APBB1IP: variants seen among roughly 807,000 people sequenced by gnomAD.
APBB1IP encodes amyloid beta A4 precursor protein-binding family B member 1-interacting protein.
In APBB1IP, 27 loss-of-function variants were observed where a neutral mutation model predicts 64.9. That is an observed-to-expected ratio of 0.42 (90% CI 0.31 to 0.57). The LOEUF is 0.57. APBB1IP is among the 20% of genes least tolerant of loss of function. The pLI, the probability that APBB1IP is intolerant of heterozygous loss-of-function variation, is 0.20. For missense variants in APBB1IP, 812 were observed against 845.5 expected (o/e 0.96, Z 0.49); for synonymous variants, 392 against 331.0 (o/e 1.18, Z -2.00).
At chr10:26,485,542 A>T (rs1171777748) in intron 2 of APBB1IP, among the ~76,000 whole-genome samples, 2 of 152,250 alleles carry the variant, frequency 1.3e-5, no homozygotes, top group Non-Finnish European at 2.9e-5. Flanking sequence ...AGATTCTATA[A>T]CGATAACAAA....
At chr10:26,548,609 T>C (rs1158242671) in intron 11 of APBB1IP, among the ~76,000 whole-genome samples, 1 of 152,190 alleles carries the variant, frequency 6.6e-6, no homozygotes, top group Non-Finnish European at 1.5e-5. Context: ...TGTGTAGGTA[T>C]TGTAATGGGA....
intron 13 of APBB1IP, among the ~76,000 whole-genome samples, chr10:26,561,348 G>A (rs867696814): frequency 6.7e-6 from 1 of 148,510 alleles, no homozygotes; most frequent in Non-Finnish European, 1.5e-5. Context: ...GATTACAGGC[G>A]TGAACCATTG....
Position 26,567,268 on chromosome 10 carries a change from C to T in APBB1IP, c.1781C>T (p.Ala594Val). The change falls in exon 15 of 15, where the codon GCG becomes GTG. Residue 594 changes from alanine to valine, a missense_variant. By Grantham distance (64) the Ala-to-Val change is moderately conservative. Coordinates refer to ENST00000376236, the MANE Select transcript of APBB1IP (RefSeq NM_019043.4). Reference sequence around the variant, plus strand: ...CCCCCGCCGTCGTACGCAGGGATCGCGGGCTCAGAGCTGCCCCCGCCGCCG... The same window carrying T: ...CCCCCGCCGTCGTACGCAGGGATCGTGGGCTCAGAGCTGCCCCCGCCGCCG... ...PPPPPSYAGIAGSELPPPPPP... is the reference protein window; with the variant it reads ...PPPPPSYAGIVGSELPPPPPP... 2 of 1,264,026 alleles carry T rather than the reference C, an allele frequency of 1.6e-6. No homozygotes were observed. Among genetic ancestry groups the T allele is most frequent in the Non-Finnish European group, 2.0e-6 (2 of 1,001,526 alleles). The allele number at this position is 1,264,026 out of a possible 1,614,324, so 78.3% of individuals were successfully genotyped here.
At chr10:26,471,523 A>G (rs1404610517) in intron 2 of APBB1IP, among the ~76,000 whole-genome samples, 1 of 152,174 alleles carries the variant, frequency 6.6e-6, no homozygotes, top group East Asian at 1.9e-4. Flanking sequence ...ATTGTCACTG[A>G]AAAATCATAT....
intron 8 of APBB1IP, among the ~76,000 whole-genome samples, chr10:26,526,383 G>A (rs988387159): frequency 6.6e-6 from 1 of 152,166 alleles, no homozygotes; most frequent in Non-Finnish European, 1.5e-5. Flanking sequence ...GTTCCTTACT[G>A]TGCTACTTTT....
chr10:26,473,885 C>T (rs992818637), intron 2 of APBB1IP, among the ~76,000 whole-genome samples: 13 of 151,528 alleles, frequency 8.6e-5, no homozygotes, highest in African/African-American at 2.4e-4. Flanking sequence ...GCCTGTAATC[C>T]GAGCTACTTA....
chr10:26,514,970 C>T (rs1027907771), intron 8 of APBB1IP, among the ~76,000 whole-genome samples: 2 of 151,754 alleles, frequency 1.3e-5, no homozygotes, highest in Non-Finnish European at 2.9e-5. Flanking sequence ...CTCCCGGGTT[C>T]AGGTGATTCC....
intron 9 of APBB1IP, among the ~76,000 whole-genome samples, chr10:26,535,545 GT>G (rs1312680617): frequency 6.6e-6 from 1 of 151,978 alleles, no homozygotes; most frequent in Non-Finnish European, 1.5e-5. Flanking sequence ...CAAATAGTAG[GT>G]CTTATTCATT....
chr10:26,509,414 G>T (rs1405529338), intron 6 of APBB1IP, among the ~76,000 whole-genome samples: 1 of 152,184 alleles, frequency 6.6e-6, no homozygotes, highest in East Asian at 1.9e-4. Context: ...GTTTGTGAAT[G>T]TTGGAAATAG....
intron 2 of APBB1IP, among the ~76,000 whole-genome samples, chr10:26,482,576 A>C (rs1005878398): frequency 1.3e-5 from 2 of 152,180 alleles, no homozygotes; most frequent in African/African-American, 4.8e-5. Context: ...GGGCAATCCC[A>C]TTCATAAGCT....
intron 14 of APBB1IP, 145 bp from the exon 15 acceptor site, chr10:26,566,816 A>G: frequency 1.2e-6 from 1 of 852,116 alleles, no homozygotes. Flanking sequence ...TGAGCTCGGG[A>G]GGTCGAGGCT....
chr10:26,446,871 TA>T (rs1044637665), intron 2 of APBB1IP, among the ~76,000 whole-genome samples: 1 of 127,272 alleles, frequency 7.9e-6, no homozygotes, highest in Non-Finnish European at 1.7e-5. Context: ...GATAGATAGA[TA>T]GAGAGAGAGA....
chr10:26,548,187 AT>A (rs968729135), intron 11 of APBB1IP, among the ~76,000 whole-genome samples: 227 of 151,990 alleles, frequency 1.5e-3, no homozygotes, highest in Non-Finnish European at 2.4e-3. Context: ...TGACATTAAA[AT>A]TTTTTTTTAT....
intron 2 of APBB1IP, among the ~76,000 whole-genome samples, chr10:26,469,763 C>T (rs999874592): frequency 9.2e-5 from 14 of 152,128 alleles, no homozygotes; most frequent in African/African-American, 3.4e-4. Context: ...TGCCTCTCCT[C>T]CCTCCTTCCC....
In APBB1IP at chr10:26,534,173, G is replaced by T. The variant is rs1025484293; in HGVS notation, c.900+648G>T. On this transcript the variant is annotated intron_variant, in intron 9 of 14. Transcript: ENST00000376236. ...CATAGTATCTATGTTAAAAATCAAG[G>T]CTCTGAGCCTCGCATGGGGGCACAC... Among the ~76,000 whole-genome samples, 3 of 151,336 alleles carry T rather than the reference G, an allele frequency of 2.0e-5. No individual in the cohort carries two copies. The Admixed American group carries it at 2.0e-4, about 10-fold the overall frequency.
chr10:26,492,179 G>T, intron 2 of APBB1IP, 148 bp from the exon 3 acceptor site: 1 of 591,602 alleles, frequency 1.7e-6, no homozygotes. Flanking sequence ...TGAAATTTCA[G>T]GCTAACATAA....
intron 11 of APBB1IP, among the ~76,000 whole-genome samples, chr10:26,548,152 C>G (rs1836789572): frequency 6.6e-6 from 1 of 152,064 alleles, no homozygotes. Flanking sequence ...TTGAGGATTG[C>G]TTTTTTCTAT....
At chr10:26,506,248 TGTGG>T (rs759439912) in intron 6 of APBB1IP, among the ~76,000 whole-genome samples, 2,281 of 30,842 alleles carry the variant, frequency 0.074, 22 homozygotes, top group South Asian at 0.14. Context: ...ACCGTGTGTG[TGTGG>T]GGGGGGGGGG....
chr10:26,498,742 G>A (rs1351311767), intron 4 of APBB1IP, among the ~76,000 whole-genome samples: 3 of 152,088 alleles, frequency 2.0e-5, no homozygotes, highest in Non-Finnish European at 4.4e-5. Context: ...GACAATGATA[G>A]GAGCAATGAT....
Sources: gnomAD v4.1 joint callset for allele counts (sites outside exome capture counted in the v4.1 genomes callset) on GRCh38, gnomAD v4.1.1 for gene constraint, MANE v1.5 for transcripts, NCBI Gene and HGNC (gene_info 2026-07-23, HGNC 2026-07-21) for gene names.